HECTD3: variants seen among roughly 807,000 people sequenced by gnomAD.
HECTD3 encodes the protein E3 ubiquitin-protein ligase HECTD3.
A neutral mutation model predicts 109.3 loss-of-function variants in HECTD3; 72 were observed. The ratio of observed to expected loss-of-function variants is 0.66; its 90% CI spans 0.54 to 0.80. The LOEUF (loss-of-function observed/expected upper bound fraction) is 0.80. HECTD3 is among the 30% of genes least tolerant of loss of function. HECTD3 has a pLI of 0.00. For missense variants in HECTD3, 1,041 were observed against 1,165.2 expected (o/e 0.89, Z 1.55); for synonymous variants, 481 against 471.8 (o/e 1.02, Z -0.25).
At chr1:45,007,799 C>T (rs1251376136) in intron 9 of HECTD3, among the ~76,000 whole-genome samples, 1 of 152,220 alleles carries the variant, frequency 6.6e-6, no homozygotes, top group Non-Finnish European at 1.5e-5. Flanking sequence ...TCATTACCTT[C>T]CTTACCTTTC....
Position 45,006,183 on chromosome 1 carries a change from C to A in HECTD3, c.1726-67G>T. 6.4e-7 allele frequency: 1 copy of A among 1,568,764 alleles called. No individual in the cohort carries two copies. The highest frequency in any genetic ancestry group is 8.7e-7 in the Non-Finnish European group (1 of 1,148,946). On this transcript the variant is annotated intron_variant, in intron 13 of 20. Coordinates refer to ENST00000372172, the MANE Select transcript of HECTD3 (RefSeq NM_024602.6). This position sits in a 1 kb window ranked among gnomAD's most constrained non-coding sequence, Gnocchi z 4.7. ...CCTATTTTCCTGGCCCAAAGACTTCCCTGAACATTTTCCACTGGGAACATT... is the reference window on the plus strand; with the variant it reads ...CCTATTTTCCTGGCCCAAAGACTTCACTGAACATTTTCCACTGGGAACATT...
intron 14 of HECTD3, 54 bp downstream of exon 14, chr1:45,005,943 T>C: frequency 6.2e-7 from 1 of 1,607,292 alleles, no homozygotes; most frequent in Non-Finnish European, 8.5e-7. Flanking sequence ...TTGGCTGGCC[T>C]TTCCTTCCAA....
chr1:45,007,816 C>T (rs1482158733), intron 9 of HECTD3, among the ~76,000 whole-genome samples: 2 of 152,204 alleles, frequency 1.3e-5, no homozygotes, highest in Admixed American at 6.5e-5. Flanking sequence ...TTTCCAACAG[C>T]TCCACTACCC....
At chr1:45,004,174 C>T in intron 17 of HECTD3, 40 bp from the exon 18 acceptor site, 1 of 1,614,192 alleles carries the variant, frequency 6.2e-7, no homozygotes. Flanking sequence ...TGGGTCTCAT[C>T]TTGCCCAGTC....
At position 45,010,695 on chromosome 1, in the gene HECTD3, T is replaced by C. The variant is rs566959905; in HGVS notation, c.381A>G (p.Ala127=). Residue 127 remains alanine, a synonymous_variant, in exon 2 of 21, where the codon GCA becomes GCG. Coordinates refer to ENST00000372172, the MANE Select transcript of HECTD3 (RefSeq NM_024602.6). Reference sequence around the variant, plus strand: ...GCAGCCCGCAGTCGCCCAGGTGCTCTGCCAGCTGCTCCTGCCGGGACGCGT... The same window carrying C: ...GCAGCCCGCAGTCGCCCAGGTGCTCCGCCAGCTGCTCCTGCCGGGACGCGT... The part of the protein sequence containing the change: ...LWVKLTKEQL[A]EHLGDCGLQE... 21 of 1,554,860 alleles carry C rather than the reference T, an allele frequency of 1.4e-5. No individual in the cohort carries two copies. In the East Asian group the frequency reaches 4.7e-4, roughly 35 times the overall value.
In HECTD3 at chr1:45,004,385, G is replaced by A; in HGVS notation, c.2143-8C>T. On this transcript the variant is annotated splice_region_variant and splice_polypyrimidine_tract_variant and intron_variant, in intron 16 of 20. Transcript: ENST00000372172. Reference sequence around the variant, plus strand: ...TGCCTGCATAGCTGCCACCTGGGGAGTGGGTAAAAAGGCTTGGCTGGGGAA... The same window carrying A: ...TGCCTGCATAGCTGCCACCTGGGGAATGGGTAAAAAGGCTTGGCTGGGGAA... 1 of 1,614,088 alleles carries A rather than the reference G, an allele frequency of 6.2e-7. No individual in the cohort carries two copies. The highest frequency in any genetic ancestry group is 8.5e-7 in the Non-Finnish European group (1 of 1,179,976).
rs550395710 is a variant in HECTD3, at chr1:45,007,667, C to T, written c.1321-72G>A. The T allele has an allele frequency of 3.1e-6, 4 of 1,285,196 alleles. No homozygotes were observed. In the East Asian group the frequency reaches 7.1e-5, roughly 23 times the overall value. The allele number at this position is 1,285,196 out of a possible 1,614,324, so 79.6% of individuals were successfully genotyped here. On this transcript the variant is annotated intron_variant, in intron 9 of 20. Coordinates refer to ENST00000372172, the MANE Select transcript of HECTD3 (RefSeq NM_024602.6). ...TCCGTCCAGGCCCTGGAACTTTCCC[C>T]TCTGCCTGTATCCAATTCCACCGTT...
intron 4 of HECTD3, 23 bp downstream of exon 4, chr1:45,009,963 G>GT: frequency 2.0e-6 from 3 of 1,518,550 alleles, no homozygotes; most frequent in Non-Finnish European, 2.6e-6. Flanking sequence ...CTTGCCTGGG[G>GT]TGGGAGGAGC....
At chr1:45,010,846 C>A in intron 1 of HECTD3, 43 bp downstream of exon 1, 1 of 1,507,264 alleles carries the variant, frequency 6.6e-7, no homozygotes. Context: ...GTTTCTCTGG[C>A]CCCAGGGGTC....
chr1:45,006,808 A>T lies in HECTD3; in HGVS notation c.1622-13T>A. 2 of 1,610,614 alleles carry T rather than the reference A, an allele frequency of 1.2e-6. No homozygotes were observed. The highest frequency in any genetic ancestry group is 4.5e-5 in the East Asian group (2 of 44,858). Reference sequence around the variant, plus strand: ...CGGAAACCACCCCCTGAAATGACAGATGCCCTCAGCTGGGCACTCAAGAGC... The same window carrying T: ...CGGAAACCACCCCCTGAAATGACAGTTGCCCTCAGCTGGGCACTCAAGAGC... On this transcript the variant is annotated splice_polypyrimidine_tract_variant and intron_variant, in intron 12 of 20. Transcript: ENST00000372172. The surrounding 1 kb of genome is among the most constrained non-coding windows in gnomAD (Gnocchi z 4.7).
In HECTD3 at chr1:45,009,684, C is replaced by T; in HGVS notation, c.760-1G>A. On this transcript the variant is annotated splice_acceptor_variant, in intron 4 of 20. Transcript: ENST00000372172. LOFTEE classifies it high-confidence loss of function. ...TCAGGCAGGACACGTTGAACTCCTC[C>T]TGGGGAGGGGCAGAGACGTGAAGTC... is the stretch of plus-strand genomic sequence containing the variant. The T allele has an allele frequency of 6.2e-7, 1 of 1,611,230 alleles. No individual in the cohort carries two copies. The highest frequency in any genetic ancestry group is 1.1e-5 in the South Asian group (1 of 90,988).
At position 45,007,494 on chromosome 1, in the gene HECTD3, T is replaced by G; in HGVS notation, c.1422A>C (p.Leu474=). ...CCATGGCAAGACGGCGGTTGATGTA[T>G]AGGCGTGGCATGAAGCTGGGCTTGC... is the stretch of plus-strand genomic sequence containing the variant. The part of the protein sequence containing the change: ...ESSKPSFMPR[L]YINRRLAMEH... Residue 474 remains leucine (L), a synonymous_variant, in exon 10 of 21, where the codon CTA becomes CTC. Transcript: ENST00000372172. The G allele has an allele frequency of 6.2e-7, 1 of 1,614,088 alleles. No homozygotes were observed. The highest frequency in any genetic ancestry group is 1.1e-5 in the South Asian group (1 of 91,082).
chr1:45,005,288 G>A lies in HECTD3; in HGVS notation c.1936-482C>T, dbSNP rs562916393. 29 of 210,306 alleles carry A rather than the reference G, an allele frequency of 1.4e-4. 1 individual carries two copies. The highest frequency in any genetic ancestry group is 4.8e-4 in the Admixed American group (9 of 18,926). 13.0% of individuals were successfully genotyped at this position (210,306 alleles called of 1,614,324 possible). ...GCATGGAGACCAAACGGGTAAGAAC[G>A]GAGACAGGGACACCAGCTTTTTAGT... On this transcript the variant is annotated intron_variant, in intron 15 of 20. Coordinates refer to ENST00000372172, the MANE Select transcript of HECTD3 (RefSeq NM_024602.6).
chr1:45,004,861 G>C (rs1644721227), intron 15 of HECTD3, 55 bp from the exon 16 acceptor site: 38 of 1,494,038 alleles, frequency 2.5e-5, no homozygotes, highest in South Asian at 1.5e-4. Context: ...GATAGTCCCT[G>C]TCTTTCCACA....
intron 8 of HECTD3, 99 bp from the exon 9 acceptor site, chr1:45,008,420 C>A (rs766732259): frequency 1.4e-6 from 2 of 1,479,378 alleles, no homozygotes; most frequent in Admixed American, 3.3e-5. Context: ...GACCTGGGGG[C>A]TTCTCTGACC....
intron 2 of HECTD3, 67 bp from the exon 3 acceptor site, chr1:45,010,360 C>T (rs929156288): frequency 1.3e-4 from 200 of 1,509,176 alleles, no homozygotes; most frequent in Middle Eastern, 1.1e-3. Context: ...ACCTCCATGC[C>T]GTGTAGCCTT....
At position 45,006,810 on chromosome 1, in the gene HECTD3, G is replaced by A. The variant is rs762067790; in HGVS notation, c.1622-15C>T. The A allele has an allele frequency of 2.5e-6, 4 of 1,608,878 alleles. No individual in the cohort carries two copies. In the Admixed American group the frequency reaches 6.7e-5, roughly 27 times the overall value. On this transcript the variant is annotated splice_polypyrimidine_tract_variant and intron_variant, in intron 12 of 20. Transcript: ENST00000372172. This position sits in a 1 kb window ranked among gnomAD's most constrained non-coding sequence, Gnocchi z 4.7. ...GAAACCACCCCCTGAAATGACAGAT[G>A]CCCTCAGCTGGGCACTCAAGAGCCC...
At position 45,003,142 on chromosome 1, in the gene HECTD3, A is replaced by G; in HGVS notation, c.*350T>C. The G allele has an allele frequency of 8.1e-6, 2 of 247,118 alleles. No homozygotes were observed. The highest frequency in any genetic ancestry group is 1.6e-5 in the Non-Finnish European group (2 of 124,930). 15.3% of individuals were successfully genotyped at this position (247,118 alleles called of 1,614,324 possible). ...AGCCAGAGAGAAAATAGGAGAAAAAAGGCGGAGCTGAAAATGGAGGCAAAG... is the reference window on the plus strand; with the variant it reads ...AGCCAGAGAGAAAATAGGAGAAAAAGGGCGGAGCTGAAAATGGAGGCAAAG... On this transcript the variant is annotated 3_prime_UTR_variant, in exon 21 of 21. Transcript: ENST00000372172. This position sits in a 1 kb window ranked among gnomAD's most constrained non-coding sequence, Gnocchi z 4.7.
chr1:45,010,644 G>C lies in HECTD3; in HGVS notation c.432C>G (p.Arg144=). The C allele has an allele frequency of 6.2e-7, 1 of 1,604,276 alleles. No individual in the cohort carries two copies. The highest frequency in any genetic ancestry group is 8.5e-7 in the Non-Finnish European group (1 of 1,177,544). The change falls in exon 2 of 21, where the codon CGC becomes CGG. Residue 144 remains arginine (R), a synonymous_variant. Transcript: ENST00000372172. ...GLQEGWLLVC[R]PAEGGARLVP... ...CCAGGCGGGCTCCGCCCTCCGCCGG[G>C]CGGCACACCAGCAGCCAGCCTTCCT...
Sources: gnomAD v4.1 joint callset for allele counts (sites outside exome capture counted in the v4.1 genomes callset) on GRCh38, gnomAD v4.1.1 for gene constraint, Gnocchi (gnomAD v3.1) non-coding constraint, MANE v1.5 for transcripts, NCBI Gene and HGNC (gene_info 2026-07-23, HGNC 2026-07-21) for gene names.